PRKCH: variants seen among roughly 807,000 people sequenced by gnomAD.
The protein encoded by PRKCH is protein kinase C eta.
In PRKCH, 28 loss-of-function variants were observed where a neutral mutation model predicts 82.5. The observed-to-expected ratio is 0.34, with a 90% confidence interval of 0.25 to 0.47. The LOEUF is 0.47. Ranked by LOEUF, PRKCH falls within the 20% of genes least tolerant of loss-of-function variation. The probability of loss-of-function intolerance (pLI) is 1.00; values close to 1 mark genes in which losing one functional copy is unlikely to be tolerated. For missense variants in PRKCH, 705 were observed against 881.8 expected (o/e 0.80, Z 2.54); for synonymous variants, 322 against 327.4 (o/e 0.98, Z 0.18).
intron 10 of PRKCH, among the ~76,000 whole-genome samples, chr14:61,525,484 G>T (rs1175525489): frequency 6.6e-6 from 1 of 152,132 alleles, no homozygotes; most frequent in Admixed American, 6.5e-5. Flanking sequence ...TCCCTGTCTT[G>T]CCCACTTGCG....
intron 1 of PRKCH, among the ~76,000 whole-genome samples, chr14:61,308,621 TA>T (rs2045499139): frequency 1.3e-5 from 2 of 152,174 alleles, no homozygotes; most frequent in African/African-American, 2.4e-5. Flanking sequence ...GTGTGTATGT[TA>T]TATATTATTT....
intron 2 of PRKCH, among the ~76,000 whole-genome samples, chr14:61,416,362 T>C (rs543386681): frequency 1.3e-5 from 2 of 152,292 alleles, no homozygotes; most frequent in South Asian, 4.1e-4. Context: ...GTCAATTTCC[T>C]CCCTTTTTAA....
intron 1 of PRKCH, among the ~76,000 whole-genome samples, chr14:61,295,316 G>A (rs2045397800): frequency 6.6e-6 from 1 of 152,204 alleles, no homozygotes; most frequent in Admixed American, 6.5e-5. Flanking sequence ...AGGTCTGAAA[G>A]ACTGGTTTCA....
chr14:61,253,638 G>A (rs1487416610), intron 1 of PRKCH, among the ~76,000 whole-genome samples: 16 of 152,162 alleles, frequency 1.1e-4, no homozygotes, highest in Non-Finnish European at 4.4e-5. Context: ...TGTTTCAGGG[G>A]CACAGCAAAG....
chr14:61,479,545 A>G (rs1885876452), intron 9 of PRKCH, among the ~76,000 whole-genome samples: 1 of 152,142 alleles, frequency 6.6e-6, no homozygotes, highest in South Asian at 2.1e-4. Context: ...AGTTAGTATC[A>G]TCTTGTCACT....
In PRKCH at chr14:61,340,488, A is replaced by T. The variant is rs991658293; in HGVS notation, c.363+18024A>T. Among the ~76,000 whole-genome samples the T allele has an allele frequency of 1.4e-4, 21 of 152,150 alleles. 1 individual carries two copies. The highest frequency in any genetic ancestry group is 1.3e-3 in the Admixed American group (20 of 15,286). On this transcript the variant is annotated intron_variant, in intron 1 of 13. Coordinates refer to ENST00000332981, the MANE Select transcript of PRKCH (RefSeq NM_006255.5). ...GTCTCAACAATATTGCCCATATGCC[A>T]AGGACTTCCAAAGCTCTGTCTCTTG...
At chr14:61,380,449 CCT>C (rs1594641894) in intron 1 of PRKCH, among the ~76,000 whole-genome samples, 4 of 152,040 alleles carry the variant, frequency 2.6e-5, no homozygotes, top group African/African-American at 9.7e-5. Flanking sequence ...TACCAAGAGT[CCT>C]CTCCTGGTTT....
At chr14:61,542,386 G>A (rs2043199817) in intron 12 of PRKCH, among the ~76,000 whole-genome samples, 1 of 138,132 alleles carries the variant, frequency 7.2e-6, no homozygotes, top group African/African-American at 2.6e-5. Flanking sequence ...AAAAAAAAAA[G>A]TTTTCCAAAT....
chr14:61,469,610 A>T (rs556167983), intron 9 of PRKCH, among the ~76,000 whole-genome samples: 17 of 152,256 alleles, frequency 1.1e-4, no homozygotes, highest in African/African-American at 4.1e-4. Context: ...CAGTCTAAAA[A>T]CCTGACTGCT....
intron 9 of PRKCH, among the ~76,000 whole-genome samples, chr14:61,467,251 C>T (rs767390402): frequency 4.6e-5 from 7 of 152,176 alleles, no homozygotes; most frequent in Non-Finnish European, 1.0e-4. Context: ...AGAAGTTCCC[C>T]TGCCTTTTAT....
chr14:61,475,305 A>G (rs143911200), intron 9 of PRKCH, among the ~76,000 whole-genome samples: 78 of 152,336 alleles, frequency 5.1e-4, no homozygotes, highest in African/African-American at 1.8e-3. Context: ...AAGTTGCTAA[A>G]CCTTTTTTAA....
At chr14:61,469,597 A>G (rs8010131) in intron 9 of PRKCH, among the ~76,000 whole-genome samples, 16,578 of 152,240 alleles carry the variant, frequency 0.11, 1,763 homozygotes, top group African/African-American at 0.28. Flanking sequence ...AGACAAAATC[A>G]TACAGTCTAA....
chr14:61,243,327 G>A (rs1203468250), intron 1 of PRKCH, among the ~76,000 whole-genome samples: 2 of 148,710 alleles, frequency 1.3e-5, no homozygotes, highest in African/African-American at 4.9e-5. Flanking sequence ...GAACTCGGGA[G>A]GTGGAGATTG....
In PRKCH at chr14:61,339,618, C is replaced by T. The variant is rs1281649005; in HGVS notation, c.363+17154C>T. Among the ~76,000 whole-genome samples the T allele has an allele frequency of 1.0e-4, 12 of 114,862 alleles. No homozygotes were observed. The East Asian group carries it at 1.3e-3, about 12-fold the overall frequency. 75.4% of individuals were successfully genotyped at this position (114,862 alleles called of 152,430 possible). ...GATTACAGGCGTGAGCCACCAAGCC[C>T]GGCCTTTTTTTTTTTTTTTTTTTTT... On this transcript the variant is annotated intron_variant, in intron 1 of 13. Coordinates refer to ENST00000332981, the MANE Select transcript of PRKCH (RefSeq NM_006255.5).
chr14:61,299,463 G>C (rs987729300), intron 1 of PRKCH, among the ~76,000 whole-genome samples: 1 of 107,910 alleles, frequency 9.3e-6, no homozygotes, highest in South Asian at 3.8e-4. Flanking sequence ...GGAAGCTGCG[G>C]ATCACAACTT....
chr14:61,250,882 A>G (rs2044939734), intron 1 of PRKCH, among the ~76,000 whole-genome samples: 1 of 152,124 alleles, frequency 6.6e-6, no homozygotes, highest in African/African-American at 2.4e-5. Context: ...GTAAACCTAA[A>G]ACTTCTCTAA....
intron 1 of PRKCH, among the ~76,000 whole-genome samples, chr14:61,325,912 C>T (rs1288133466): frequency 6.6e-6 from 1 of 152,122 alleles, no homozygotes; most frequent in East Asian, 1.9e-4. Context: ...AATGAGATCT[C>T]AGTATGTTCC....
chr14:61,512,834 C>A (rs1473309497), intron 10 of PRKCH, among the ~76,000 whole-genome samples: 4 of 151,948 alleles, frequency 2.6e-5, no homozygotes, highest in Non-Finnish European at 5.9e-5. Context: ...TTTGTTTGTT[C>A]ATTTATTTGG....
At chr14:61,216,768 A>G (rs1300605714) in intron 1 of PRKCH, among the ~76,000 whole-genome samples, 1 of 152,236 alleles carries the variant, frequency 6.6e-6, no homozygotes, top group Non-Finnish European at 1.5e-5. Context: ...AAGAGCTTTC[A>G]GTTACTCTGT....
Sources: allele counts gnomAD v4.1 joint callset (sites outside exome capture counted in the v4.1 genomes callset), GRCh38; gene constraint gnomAD v4.1.1; transcripts MANE v1.5; gene names NCBI Gene and HGNC (gene_info 2026-07-23, HGNC 2026-07-21).